TAS2R1: variants seen among roughly 807,000 people sequenced by gnomAD.
TAS2R1 encodes the protein taste receptor type 2 member 1.
For missense variants in TAS2R1, 370 were observed against 353.4 expected (o/e 1.05, Z -0.38); for synonymous variants, 141 against 134.2 (o/e 1.05, Z -0.35).
chr5:9,795,377 C>G, the TAS2R1 span, among the ~76,000 whole-genome samples: 1 of 152,138 alleles, frequency 6.6e-6, no homozygotes. Context: ...AAGCTAAAAG[C>G]TCTTGAACAC....
intron 2 of TAS2R1, among the ~76,000 whole-genome samples, chr5:9,655,062 T>C (rs894196282): frequency 3.3e-5 from 5 of 152,204 alleles, no homozygotes; most frequent in African/African-American, 1.2e-4. Flanking sequence ...GAATGCACTA[T>C]ATGACTACAT....
intron 2 of TAS2R1, chr5:9,641,996 T>C (rs1055691348): frequency 2.0e-5 from 3 of 152,180 alleles, no homozygotes; most frequent in African/African-American, 7.2e-5. Context: ...ATTAAATCCA[T>C]TCACTTGCAC....
the TAS2R1 span, among the ~76,000 whole-genome samples, chr5:9,896,278 G>A: frequency 6.6e-6 from 1 of 152,160 alleles, no homozygotes. Context: ...AATAGTATTT[G>A]TTTAGTAAAT....
the TAS2R1 span, among the ~76,000 whole-genome samples, chr5:9,755,197 G>A: frequency 7.2e-5 from 11 of 152,276 alleles, no homozygotes; most frequent in South Asian, 6.2e-4. Flanking sequence ...AAAGAGTCCC[G>A]ATCCAGACTC....
chr5:9,896,418 T>C, the TAS2R1 span, among the ~76,000 whole-genome samples: 1 of 152,166 alleles, frequency 6.6e-6, no homozygotes, highest in East Asian at 1.9e-4. Context: ...AAAAAGAACC[T>C]AATTGGTTTA....
intron 1 of TAS2R1, among the ~76,000 whole-genome samples, chr5:9,703,233 G>A (rs1317321173): frequency 2.0e-5 from 3 of 152,174 alleles, no homozygotes; most frequent in Non-Finnish European, 1.5e-5. Context: ...TTTCATCATG[G>A]CCATGGCTTG....
chr5:9,740,145 T>C, the TAS2R1 span, among the ~76,000 whole-genome samples: 1 of 152,240 alleles, frequency 6.6e-6, no homozygotes, highest in Non-Finnish European at 1.5e-5. Flanking sequence ...CAAAATCTTG[T>C]GTCAAAGTTT....
At chr5:9,819,453 A>T in the TAS2R1 span, among the ~76,000 whole-genome samples, 3 of 152,218 alleles carry the variant, frequency 2.0e-5, no homozygotes, top group East Asian at 5.8e-4. Context: ...GAAGTCCCCA[A>T]CTATCTCTGC....
At chr5:9,809,088 T>C in the TAS2R1 span, among the ~76,000 whole-genome samples, 8 of 152,234 alleles carry the variant, frequency 5.3e-5, no homozygotes, top group African/African-American at 1.7e-4. Context: ...TGTCTCATCA[T>C]TGCAGTTTGG....
chr5:9,667,292 G>A (rs898812451), intron 1 of TAS2R1, among the ~76,000 whole-genome samples: 8 of 152,172 alleles, frequency 5.3e-5, no homozygotes, highest in East Asian at 3.9e-4. Flanking sequence ...CCCACCTCTC[G>A]TAGCCAGGAA....
chr5:9,840,135 A>G, the TAS2R1 span, among the ~76,000 whole-genome samples: 9,019 of 152,204 alleles, frequency 0.059, 632 homozygotes, highest in East Asian at 0.23. Flanking sequence ...TTTGCCACCT[A>G]TGTCATTGAT....
chr5:9,830,603 G>GCGCGCA, the TAS2R1 span, among the ~76,000 whole-genome samples: 4 of 59,906 alleles, frequency 6.7e-5, no homozygotes, highest in African/African-American at 2.0e-4. Context: ...ACACGTGCGC[G>GCGCGCA]CGCACACACA....
chr5:9,858,680 G>T, the TAS2R1 span, among the ~76,000 whole-genome samples: 3 of 152,160 alleles, frequency 2.0e-5, no homozygotes, highest in Non-Finnish European at 2.9e-5. Context: ...ACAAAGATTA[G>T]TCTCTGGGAG....
At chr5:9,745,282 G>A in the TAS2R1 span, among the ~76,000 whole-genome samples, 19 of 152,090 alleles carry the variant, frequency 1.2e-4, no homozygotes, top group Non-Finnish European at 2.2e-4. Flanking sequence ...AAAGACAACC[G>A]TTCAGTAAGG....
chr5:9,738,623 G>A, the TAS2R1 span, among the ~76,000 whole-genome samples: 1 of 152,188 alleles, frequency 6.6e-6, no homozygotes. Flanking sequence ...CCTCGTGGGT[G>A]ATCAACCTGC....
At chr5:9,831,482 T>C in the TAS2R1 span, among the ~76,000 whole-genome samples, 2 of 152,162 alleles carry the variant, frequency 1.3e-5, no homozygotes, top group Non-Finnish European at 2.9e-5. Context: ...CAATATAATG[T>C]AGACATTTTT....
the TAS2R1 span, among the ~76,000 whole-genome samples, chr5:9,761,378 T>G: frequency 2.0e-5 from 3 of 148,532 alleles, no homozygotes; most frequent in Non-Finnish European, 4.5e-5. Context: ...ATAGCCTAAC[T>G]AGAGGAAGGT....
chr5:9,811,463 G>A, the TAS2R1 span, among the ~76,000 whole-genome samples: 1 of 152,144 alleles, frequency 6.6e-6, no homozygotes, highest in East Asian at 1.9e-4. Flanking sequence ...TAGTGGTGAA[G>A]AGGGACAAAA....
At chr5:9,649,310 A>G (rs1740257822) in intron 2 of TAS2R1, among the ~76,000 whole-genome samples, 1 of 152,228 alleles carries the variant, frequency 6.6e-6, no homozygotes, top group African/African-American at 2.4e-5. Context: ...TGCATTTGAA[A>G]TAAGTTATCT....
Sources: gnomAD v4.1 joint callset for allele counts (sites outside exome capture counted in the v4.1 genomes callset) on GRCh38, gnomAD v4.1.1 for gene constraint, MANE v1.5 for transcripts, NCBI Gene and HGNC (gene_info 2026-07-23, HGNC 2026-07-21) for gene names.